The following MAP2 variants were observed in gnomAD, a reference collection of about 807,000 sequenced individuals.
MAP2 encodes the protein microtubule associated protein 2.
In MAP2, 14 loss-of-function variants were observed where a neutral mutation model predicts 137.6. That is an observed-to-expected ratio of 0.10 (90% CI 0.07 to 0.16). The LOEUF is 0.16. Among genes scored for constraint, MAP2 ranks in the 10% least tolerant of loss-of-function variants. The pLI, the probability that MAP2 is intolerant of heterozygous loss-of-function variation, is 1.00. For synonymous variants in MAP2, 786 were observed against 782.3 expected, an observed-to-expected ratio of 1.00 and a Z score of -0.08; for missense variants, 2,088 against 2,191.5, an observed-to-expected ratio of 0.95 and a Z score of 0.94.
intron 13 of MAP2, among the ~76,000 whole-genome samples, chr2:209,716,567 T>C (rs2067721058): frequency 1.3e-5 from 2 of 152,206 alleles, no homozygotes; most frequent in South Asian, 4.1e-4. Context: ...ATGATTAGTT[T>C]TAGTGTATTT....
chr2:209,519,322 A>G (rs1292082249), intron 2 of MAP2, among the ~76,000 whole-genome samples: 2 of 152,060 alleles, frequency 1.3e-5, no homozygotes, highest in Non-Finnish European at 2.9e-5. Context: ...GCCCCATCCT[A>G]AATTCTTCAG....
At chr2:209,652,040 G>A (rs16843354) in intron 4 of MAP2, among the ~76,000 whole-genome samples, 27,736 of 152,108 alleles carry the variant, frequency 0.18, 3,572 homozygotes, top group African/African-American at 0.36. Flanking sequence ...CAAAGACAGT[G>A]TTGCCTGTGT....
intron 2 of MAP2, among the ~76,000 whole-genome samples, chr2:209,536,888 A>G (rs1057214586): frequency 6.6e-6 from 1 of 152,124 alleles, no homozygotes; most frequent in Non-Finnish European, 1.5e-5. Flanking sequence ...TTTCCATCCT[A>G]TTGGGTTGCA....
chr2:209,492,107 G>A (rs1355756485), intron 1 of MAP2, among the ~76,000 whole-genome samples: 2 of 152,150 alleles, frequency 1.3e-5, no homozygotes, highest in African/African-American at 2.4e-5. Flanking sequence ...GATCAAGTTG[G>A]CTTCATCCTT....
intron 2 of MAP2, among the ~76,000 whole-genome samples, chr2:209,547,492 G>A (rs928211409): frequency 1.3e-5 from 2 of 151,918 alleles, no homozygotes; most frequent in African/African-American, 2.4e-5. Context: ...GTAAAATACC[G>A]GCAGATTGTA....
chr2:209,508,552 GCACACAGA>G (rs1331607066), intron 2 of MAP2, among the ~76,000 whole-genome samples: 1 of 144,134 alleles, frequency 6.9e-6, no homozygotes, highest in Non-Finnish European at 1.5e-5. Flanking sequence ...ATACATATAA[GCACACAGA>G]CACACAGACA....
rs1408266863 is a variant in MAP2 at position 209,732,485 on chromosome 2, G to C, written c.*2088G>C. ...ATTTTCTGCCTATTAATTGCTGTGA[G>C]GTTTGATTTGACCAATCTGGGCAAT... On this transcript the variant is annotated 3_prime_UTR_variant, in exon 16 of 16. Transcript: ENST00000682079. 1.3e-5 allele frequency: 2 copies of C among 152,160 alleles called. No individual in the cohort carries two copies. Among genetic ancestry groups the C allele is most frequent in the African/African-American group, 4.8e-5 (2 of 41,438 alleles). The allele number at this position is 152,160 out of a possible 1,614,324, so 9.4% of individuals were successfully genotyped here. A position where few individuals can be genotyped will look rare whatever the true frequency, so the allele number is the denominator to read the frequency against.
intron 1 of MAP2, among the ~76,000 whole-genome samples, chr2:209,439,455 G>C (rs1697210334): frequency 6.6e-6 from 1 of 151,458 alleles, no homozygotes; most frequent in African/African-American, 2.4e-5. Flanking sequence ...ACTAAACTAT[G>C]ACTTTCTTGG....
At chr2:209,585,899 A>G (rs1357303450) in intron 3 of MAP2, among the ~76,000 whole-genome samples, 1 of 152,194 alleles carries the variant, frequency 6.6e-6, no homozygotes, top group African/African-American at 2.4e-5. Context: ...AGCACCTGCC[A>G]TGTGCCAGCA....
At chr2:209,704,633 G>A (rs1166240365) in intron 11 of MAP2, 1 of 1,576,476 alleles carries the variant, frequency 6.3e-7, no homozygotes, top group Non-Finnish European at 8.6e-7. Context: ...AAGGCGGCAG[G>A]TCAATAAAAG....
intron 4 of MAP2, among the ~76,000 whole-genome samples, chr2:209,643,180 G>A (rs2094160855): frequency 6.6e-6 from 1 of 152,190 alleles, no homozygotes; most frequent in South Asian, 2.1e-4. Context: ...ATGGAGACAT[G>A]CCTATCTGGC....
intron 5 of MAP2, among the ~76,000 whole-genome samples, chr2:209,675,980 ATGTT>A (rs1415687648): frequency 7.2e-5 from 11 of 151,876 alleles, no homozygotes; most frequent in African/African-American, 2.7e-4. Context: ...TTATTTCTGA[ATGTT>A]TGTAAATATT....
intron 2 of MAP2, among the ~76,000 whole-genome samples, chr2:209,517,074 T>G (rs541938958): frequency 1.3e-5 from 2 of 152,256 alleles, no homozygotes; most frequent in Admixed American, 1.3e-4. Flanking sequence ...GATTATGCAT[T>G]TACTGGAAAT....
intron 12 of MAP2, among the ~76,000 whole-genome samples, chr2:209,709,641 A>T (rs1260649182): frequency 6.6e-6 from 1 of 152,154 alleles, no homozygotes; most frequent in Non-Finnish European, 1.5e-5. Flanking sequence ...TTTTTGACAC[A>T]TTCATAATGA....
chr2:209,424,689 C>G (rs1438867177), intron 1 of MAP2, among the ~76,000 whole-genome samples: 1 of 152,128 alleles, frequency 6.6e-6, no homozygotes, highest in Non-Finnish European at 1.5e-5. Flanking sequence ...TTTTGTTCAT[C>G]CAGCTGCAGA....
intron 5 of MAP2, among the ~76,000 whole-genome samples, chr2:209,670,548 A>G (rs1426369184): frequency 6.6e-6 from 1 of 151,894 alleles, no homozygotes; most frequent in Non-Finnish European, 1.5e-5. Context: ...AATTTACTAC[A>G]TTTTCCTCCT....
At chr2:209,506,259 C>T (rs2061041877) in intron 1 of MAP2, among the ~76,000 whole-genome samples, 1 of 152,158 alleles carries the variant, frequency 6.6e-6, no homozygotes, top group South Asian at 2.1e-4. Flanking sequence ...TTCTTAAACA[C>T]CTGCCCTTAG....
intron 10 of MAP2, among the ~76,000 whole-genome samples, chr2:209,698,134 C>T (rs978817145): frequency 1.3e-5 from 2 of 152,120 alleles, no homozygotes; most frequent in African/African-American, 4.8e-5. Context: ...AGGCATGAGC[C>T]ACTGCACCCG....
chr2:209,433,080 A>G (rs1239322355), intron 1 of MAP2, among the ~76,000 whole-genome samples: 1 of 152,108 alleles, frequency 6.6e-6, no homozygotes, highest in Non-Finnish European at 1.5e-5. Flanking sequence ...TTGGGTTCCT[A>G]ATATTTAGTA....
Sources: allele counts gnomAD v4.1 joint callset (sites outside exome capture counted in the v4.1 genomes callset), GRCh38; gene constraint gnomAD v4.1.1; transcripts MANE v1.5; gene names NCBI Gene and HGNC (gene_info 2026-07-23, HGNC 2026-07-21).